Variants in SBSPON observed in about 807,000 individuals in gnomAD.
SBSPON encodes the protein somatomedin-B and thrombospondin type-1 domain-containing protein.
Under a neutral mutation model 35.8 loss-of-function variants are expected in SBSPON, and 30 were observed. That is an observed-to-expected ratio of 0.84 (90% confidence interval 0.63 to 1.14). The LOEUF is 1.14. Ranked by LOEUF, SBSPON falls within the 50% of genes most tolerant of loss-of-function variation. The probability of loss-of-function intolerance (pLI) is 0.00; values close to 1 mark genes in which losing one functional copy is unlikely to be tolerated. For synonymous variants in SBSPON, 136 were observed against 135.9 expected, an observed-to-expected ratio of 1.00 and a Z score of 0.00; for missense variants, 364 against 357.7, an observed-to-expected ratio of 1.02 and a Z score of -0.14.
intron 1 of SBSPON, among the ~76,000 whole-genome samples, 198 bp downstream of exon 1, chr8:73,092,656 C>T (rs72655861): frequency 0.082 from 12,404 of 152,090 alleles, 602 homozygotes; most frequent in South Asian, 0.14. Flanking sequence ...GGGGACACTT[C>T]GATGTCTAGC....
intron 4 of SBSPON, among the ~76,000 whole-genome samples, chr8:73,069,554 G>A (rs972863007): frequency 5.3e-5 from 8 of 152,154 alleles, no homozygotes; most frequent in Non-Finnish European, 4.4e-5. Context: ...ACAGGCATGA[G>A]CCACCACTCC....
chr8:73,092,707 C>T, intron 1 of SBSPON, 147 bp downstream of exon 1: 1 of 619,474 alleles, frequency 1.6e-6, no homozygotes, highest in Non-Finnish European at 2.9e-6. Flanking sequence ...GCCGGGCGTA[C>T]CTGGATGGCG....
chr8:73,067,608 G>GT (rs756275378), intron 4 of SBSPON, 150 bp from the exon 5 acceptor site: 451 of 17,948 alleles, frequency 0.025, no homozygotes, highest in East Asian at 0.075. Flanking sequence ...TATATATATA[G>GT]TTTTTTTTTT....
intron 2 of SBSPON, among the ~76,000 whole-genome samples, chr8:73,078,877 G>A (rs910784442): frequency 5.9e-5 from 9 of 151,918 alleles, no homozygotes; most frequent in South Asian, 2.1e-4. Context: ...TCTTCTCCCC[G>A]GCAAAGAACA....
Position 73,093,103 on chromosome 8 carries a change from C to T in SBSPON, c.-36G>A. The T allele has an allele frequency of 2.6e-6, 3 of 1,161,046 alleles. No homozygotes were observed. Among genetic ancestry groups the T allele is most frequent in the Non-Finnish European group, 3.3e-6 (3 of 905,744 alleles). 71.9% of individuals were successfully genotyped at this position (1,161,046 alleles called of 1,614,324 possible). A position where few individuals can be genotyped will look rare whatever the true frequency, so the allele number is the denominator to read the frequency against. On this transcript the variant is annotated 5_prime_UTR_variant, in exon 1 of 5. Transcript: ENST00000297354. ...CCGGCGGCGCCTGCGACGCGACAGACCCCCGGGGCAAGCGCTCTGATCCTC... is the reference window on the plus strand; with the variant it reads ...CCGGCGGCGCCTGCGACGCGACAGATCCCCGGGGCAAGCGCTCTGATCCTC...
In SBSPON at chr8:73,093,054, C is replaced by T; in HGVS notation, c.14G>A (p.Trp5Ter). The change falls in exon 1 of 5, where the codon TGG becomes TAG. Residue 5 changes from tryptophan (W) to a stop codon, truncating the protein, a stop_gained. Transcript: ENST00000297354. LOFTEE classifies it high-confidence loss of function. ...CCGCGACAGCGCGCACAGCGCCATC[C>T]ACAGGGTCCTCATGGCCAGGGCTCC... MRTL[W>*]MALCALSRLW... is the part of the protein sequence containing the mutation. The T allele has an allele frequency of 7.3e-7, 1 of 1,367,060 alleles. No homozygotes were observed. Among genetic ancestry groups the T allele is most frequent in the South Asian group, 1.9e-5 (1 of 53,392 alleles). The allele number at this position is 1,367,060 out of a possible 1,614,324, so 84.7% of individuals were successfully genotyped here. A position where few individuals can be genotyped will look rare whatever the true frequency, so the allele number is the denominator to read the frequency against.
rs1041188664 is a variant in SBSPON at position 73,066,738 on chromosome 8, AAT to A, written c.*601_*602del. Reference sequence around the variant, plus strand: ...CCTTTCACTTCTTAAGCAAAAAAAAAATTTCTTCTTCAAAAAATGTTTTTAGT... The same window carrying A: ...CCTTTCACTTCTTAAGCAAAAAAAAATTCTTCTTCAAAAAATGTTTTTAGT... On this transcript the variant is annotated 3_prime_UTR_variant, in exon 5 of 5. Transcript: ENST00000297354. 3.3e-5 allele frequency: 5 copies of A among 152,212 alleles called. No individual in the cohort carries two copies. Among genetic ancestry groups the A allele is most frequent in the Non-Finnish European group, 4.4e-5 (3 of 68,040 alleles). The allele number at this position is 152,212 out of a possible 1,614,324, so 9.4% of individuals were successfully genotyped here.
chr8:73,089,792 A>T (rs1480342099), intron 1 of SBSPON, among the ~76,000 whole-genome samples: 1 of 152,192 alleles, frequency 6.6e-6, no homozygotes, highest in East Asian at 1.9e-4. Flanking sequence ...TGTCTACCAC[A>T]TGCCAGGTGC....
intron 4 of SBSPON, among the ~76,000 whole-genome samples, chr8:73,068,779 C>A (rs1350299100): frequency 6.6e-6 from 1 of 152,158 alleles, no homozygotes; most frequent in Non-Finnish European, 1.5e-5. Flanking sequence ...GCAGGGGTCC[C>A]CAAACTAGGA....
chr8:73,090,467 A>G (rs960858986), intron 1 of SBSPON, among the ~76,000 whole-genome samples: 5 of 152,264 alleles, frequency 3.3e-5, no homozygotes, highest in African/African-American at 1.2e-4. Flanking sequence ...CGCCCTGCCC[A>G]GGAGCCACAG....
rs373983050 is a variant in SBSPON, at chr8:73,092,891, G to C, written c.177C>G (p.Thr59=). Residue 59 remains threonine (T), a synonymous_variant, in exon 1 of 5, where the codon ACC becomes ACG. Coordinates refer to ENST00000297354, the MANE Select transcript of SBSPON (RefSeq NM_153225.4). ...TGTCGTAGTCGAAGCAGCAGTCCCCGGTGAAGCGACAGGCTTGGTCGCAGA... is the reference window on the plus strand; with the variant it reads ...TGTCGTAGTCGAAGCAGCAGTCCCCCGTGAAGCGACAGGCTTGGTCGCAGA... ...TCFCDQACRF[T]GDCCFDYDRA... The C allele has an allele frequency of 7.4e-5, 120 of 1,611,990 alleles. No homozygotes were observed. The African/African-American group carries it at 1.4e-3, about 19-fold the overall frequency.
At chr8:73,087,177 C>T (rs1313567712) in intron 1 of SBSPON, among the ~76,000 whole-genome samples, 1 of 152,184 alleles carries the variant, frequency 6.6e-6, no homozygotes, top group East Asian at 1.9e-4. Flanking sequence ...GACCTCATTT[C>T]TCTGAGGCAG....
Position 73,067,275 on chromosome 8 carries a change from C to A in SBSPON, c.*66G>T. ...TGGCCAAAATTGAAGGTTTAGGAAA[C>A]ATTGAACATGACTTGAGAATATTTA... On this transcript the variant is annotated 3_prime_UTR_variant, in exon 5 of 5. Transcript: ENST00000297354. 1 of 1,013,374 alleles carries A rather than the reference C, an allele frequency of 9.9e-7. No individual in the cohort carries two copies. Among genetic ancestry groups the A allele is most frequent in the South Asian group, 1.3e-5 (1 of 76,152 alleles). The allele number at this position is 1,013,374 out of a possible 1,614,324, so 62.8% of individuals were successfully genotyped here.
At chr8:73,075,759 G>C (rs1055179811) in intron 2 of SBSPON, 46 of 949,046 alleles carry the variant, frequency 4.8e-5, no homozygotes, top group Non-Finnish European at 5.6e-5. Flanking sequence ...GTACAGAAGA[G>C]AGTAAAATGA....
At chr8:73,072,003 G>A (rs1048306315) in intron 2 of SBSPON, 133 bp from the exon 3 acceptor site, 8 of 634,936 alleles carry the variant, frequency 1.3e-5, no homozygotes, top group Non-Finnish European at 1.7e-5. Context: ...ATCAAGGTGT[G>A]AAATGAGGCC....
intron 1 of SBSPON, among the ~76,000 whole-genome samples, chr8:73,088,881 T>C (rs1414618193): frequency 1.3e-5 from 2 of 152,178 alleles, no homozygotes; most frequent in Admixed American, 6.5e-5. Context: ...GGTGTTAGCT[T>C]GAGTAATGGA....
At chr8:73,078,450 G>T (rs1221625287) in intron 2 of SBSPON, among the ~76,000 whole-genome samples, 1 of 152,176 alleles carries the variant, frequency 6.6e-6, no homozygotes, top group Non-Finnish European at 1.5e-5. Flanking sequence ...AGGCTGTTCA[G>T]TACAGATATG....
At chr8:73,075,865 T>C (rs1229091839) in intron 2 of SBSPON, 2 of 329,182 alleles carry the variant, frequency 6.1e-6, no homozygotes, top group South Asian at 1.2e-4. Flanking sequence ...TAAACAATTG[T>C]CAATGATGTG....
chr8:73,080,744 G>A (rs1359670130), intron 2 of SBSPON, among the ~76,000 whole-genome samples: 1 of 152,118 alleles, frequency 6.6e-6, no homozygotes, highest in East Asian at 1.9e-4. Context: ...CAAGCATGCG[G>A]TTTATTTCAT....
Sources: gnomAD v4.1 joint callset for allele counts (sites outside exome capture counted in the v4.1 genomes callset) on GRCh38, gnomAD v4.1.1 for gene constraint, MANE v1.5 for transcripts, NCBI Gene and HGNC (gene_info 2026-07-23, HGNC 2026-07-21) for gene names.